RAB7A: variants seen among roughly 807,000 people sequenced by gnomAD.
RAB7A encodes RAB7A, member RAS oncogene family.
A neutral mutation model predicts 24.5 loss-of-function variants in RAB7A; 2 were observed. That is an observed-to-expected ratio of 0.08 (90% CI 0.03 to 0.26). RAB7A has a LOEUF of 0.26. Among genes scored for constraint, RAB7A ranks in the 10% least tolerant of loss-of-function variants. The probability of loss-of-function intolerance (pLI) is 1.00; values close to 1 mark genes in which losing one functional copy is unlikely to be tolerated. For missense variants in RAB7A, 118 were observed against 255.7 expected (o/e 0.46, Z 3.67); for synonymous variants, 100 against 95.9 (o/e 1.04, Z -0.25).
intron 1 of RAB7A, among the ~76,000 whole-genome samples, chr3:128,743,240 C>T (rs200584537): frequency 2.0e-5 from 3 of 152,334 alleles, no homozygotes; most frequent in East Asian, 3.9e-4. Context: ...AAGCCCACAC[C>T]CACCCGGAAC....
intron 1 of RAB7A, among the ~76,000 whole-genome samples, chr3:128,791,792 A>G (rs1209536115): frequency 1.3e-5 from 2 of 152,200 alleles, no homozygotes; most frequent in Non-Finnish European, 2.9e-5. Flanking sequence ...TTCTGAGTCA[A>G]GGTATTGAGT....
intron 3 of RAB7A, among the ~76,000 whole-genome samples, chr3:128,802,032 C>G (rs902075409): frequency 6.6e-6 from 1 of 152,154 alleles, no homozygotes; most frequent in Admixed American, 6.5e-5. Flanking sequence ...AATAACCCTC[C>G]TGAATGAAAG....
At chr3:128,772,754 T>A (rs1932980955) in intron 1 of RAB7A, among the ~76,000 whole-genome samples, 1 of 152,254 alleles carries the variant, frequency 6.6e-6, no homozygotes, top group Non-Finnish European at 1.5e-5. Context: ...CACGCCTAAC[T>A]GGTTTTCATA....
chr3:128,739,465 A>AT (rs1236076777), intron 1 of RAB7A, among the ~76,000 whole-genome samples: 1 of 151,756 alleles, frequency 6.6e-6, no homozygotes, highest in South Asian at 2.1e-4. Flanking sequence ...GTGAGCCAAG[A>AT]TCGCGCCACT....
chr3:128,776,945 T>TACACACACACACACAC (rs71153145), intron 1 of RAB7A, among the ~76,000 whole-genome samples: 5 of 142,358 alleles, frequency 3.5e-5, no homozygotes, highest in Non-Finnish European at 7.7e-5. Context: ...TTAGTTGAGC[T>TACACACACACACACAC]ACACACACAC....
chr3:128,733,025 G>C (rs1241400154), intron 1 of RAB7A, among the ~76,000 whole-genome samples: 1 of 152,202 alleles, frequency 6.6e-6, no homozygotes, highest in Non-Finnish European at 1.5e-5. Flanking sequence ...TCCAGCTCCA[G>C]AGTAAGGTTT....
At chr3:128,762,863 A>C (rs1170294545) in intron 1 of RAB7A, among the ~76,000 whole-genome samples, 1 of 152,190 alleles carries the variant, frequency 6.6e-6, no homozygotes, top group African/African-American at 2.4e-5. Flanking sequence ...CTCAGTGTAA[A>C]AGATACACTC....
At position 128,806,553 on chromosome 3, in the gene RAB7A, T is replaced by G; in HGVS notation, c.362T>G (p.Val121Gly). The change falls in exon 4 of 6, where the codon GTT becomes GGT. Residue 121 changes from valine (V) to glycine (G), a missense_variant. Coordinates refer to ENST00000265062, the MANE Select transcript of RAB7A (RefSeq NM_004637.6). ...SPRDPENFPFVVLGNKIDLEN... is the reference protein window; with the variant it reads ...SPRDPENFPFGVLGNKIDLEN... ...CGAGATCCTGAAAACTTCCCATTTG[T>G]TGTGTTGGGAAACAAGATTGACCTC... 6.2e-7 allele frequency: 1 copy of G among 1,614,136 alleles called. No homozygotes were observed. The highest frequency in any genetic ancestry group is 8.5e-7 in the Non-Finnish European group (1 of 1,180,016).
At chr3:128,730,220 T>TTTTTC (rs368801147) in intron 1 of RAB7A, among the ~76,000 whole-genome samples, 212 of 152,278 alleles carry the variant, frequency 1.4e-3, no homozygotes, top group African/African-American at 5.0e-3. Flanking sequence ...GAAAAATAGT[T>TTTTTC]TGTGTTTTAA....
Position 128,800,969 on chromosome 3 carries a change from A to G in RAB7A, c.180+2900A>G, listed in dbSNP as rs572224781. ...ATTGTCTCTGCACAAAGGCGTCATTATCCTGATCTTGAGGAATCCTCATGT... is the reference window on the plus strand; with the variant it reads ...ATTGTCTCTGCACAAAGGCGTCATTGTCCTGATCTTGAGGAATCCTCATGT... On this transcript the variant is annotated intron_variant, in intron 3 of 5. Coordinates refer to ENST00000265062, the MANE Select transcript of RAB7A (RefSeq NM_004637.6). Among the ~76,000 whole-genome samples, 94 of 152,360 alleles carry G rather than the reference A, an allele frequency of 6.2e-4. 1 individual carries two copies. Among genetic ancestry groups the G allele is most frequent in the Non-Finnish European group, 1.1e-3 (77 of 68,036 alleles).
intron 1 of RAB7A, chr3:128,765,134 C>T (rs1403656844): frequency 1.5e-5 from 11 of 709,760 alleles, no homozygotes; most frequent in African/African-American, 7.0e-5. Flanking sequence ...TACGGGCGGC[C>T]GGCCGGGGTG....
At chr3:128,801,872 A>T (rs188494096) in intron 3 of RAB7A, among the ~76,000 whole-genome samples, 150 of 149,002 alleles carry the variant, frequency 1.0e-3, no homozygotes, top group African/African-American at 2.4e-3. Context: ...TAATGAAATT[A>T]AAAAAAAAAG....
chr3:128,764,793 G>A, intron 1 of RAB7A: 1 of 872,356 alleles, frequency 1.1e-6, no homozygotes, highest in East Asian at 2.4e-5. Flanking sequence ...CACCACGATA[G>A]TTTTGCAGCT....
intron 1 of RAB7A, among the ~76,000 whole-genome samples, chr3:128,763,055 A>G (rs200973393): frequency 6.6e-6 from 1 of 151,854 alleles, no homozygotes; most frequent in Non-Finnish European, 1.5e-5. Flanking sequence ...GGAAAGATCA[A>G]GCCAGTTGTC....
At chr3:128,808,121 C>T (rs1933844903) in intron 5 of RAB7A, among the ~76,000 whole-genome samples, 1 of 152,080 alleles carries the variant, frequency 6.6e-6, no homozygotes, top group Admixed American at 6.6e-5. Context: ...CTTTGGGAGG[C>T]CAAGGCGGGC....
intron 1 of RAB7A, among the ~76,000 whole-genome samples, chr3:128,734,484 AAAAG>A (rs370912916): frequency 1.3e-5 from 2 of 151,398 alleles, no homozygotes; most frequent in Non-Finnish European, 2.9e-5. Context: ...AAAAGGAAAG[AAAAG>A]AAAGAAAGGA....
At chr3:128,730,241 T>G (rs987106072) in intron 1 of RAB7A, among the ~76,000 whole-genome samples, 1 of 152,136 alleles carries the variant, frequency 6.6e-6, no homozygotes. Context: ...AACTTTTTTT[T>G]TTTTTTTAGA....
At chr3:128,756,815 T>C (rs941598403) in intron 1 of RAB7A, among the ~76,000 whole-genome samples, 4 of 152,052 alleles carry the variant, frequency 2.6e-5, no homozygotes, top group Non-Finnish European at 5.9e-5. Flanking sequence ...ATTTGGACTG[T>C]TGGGGTTTTT....
intron 1 of RAB7A, among the ~76,000 whole-genome samples, chr3:128,759,377 T>C (rs2070758288): frequency 6.6e-6 from 1 of 152,208 alleles, no homozygotes; most frequent in African/African-American, 2.4e-5. Context: ...TGCATTGCCA[T>C]CTCGGATCAG....
Sources: allele counts gnomAD v4.1 joint callset (sites outside exome capture counted in the v4.1 genomes callset), GRCh38; gene constraint gnomAD v4.1.1; transcripts MANE v1.5; gene names NCBI Gene and HGNC (gene_info 2026-07-23, HGNC 2026-07-21).